The following APC2 variants were observed in gnomAD, a reference collection of about 807,000 sequenced individuals.
APC2 encodes the protein adenomatous polyposis coli protein 2.
Under a neutral mutation model 72.5 loss-of-function variants are expected in APC2, and 41 were observed. That is an observed-to-expected ratio of 0.57 (90% confidence interval 0.44 to 0.73). APC2 has a LOEUF of 0.73. APC2 is among the 30% of genes least tolerant of loss of function. APC2 has a pLI of 0.00. For synonymous variants in APC2, 1,898 were observed against 1,612.0 expected (o/e 1.18, Z -4.25); for missense variants, 3,729 against 3,403.4 (o/e 1.10, Z -2.38).
In APC2 at chr19:1,465,136, A is replaced by G; in HGVS notation, c.1854-19A>G. 6.3e-7 allele frequency: 1 copy of G among 1,586,156 alleles called. No individual in the cohort carries two copies. On this transcript the variant is annotated intron_variant, in intron 14 of 14. Transcript: ENST00000590469. Reference sequence around the variant, plus strand: ...GGAGGGTGGGGGGTGGCCCAGGCTAACCCGCCCTGTGCCTACAGGCAGGTG... The same window carrying G: ...GGAGGGTGGGGGGTGGCCCAGGCTAGCCCGCCCTGTGCCTACAGGCAGGTG...
chr19:1,449,080 A>G (rs117597817), upstream of APC2, among the ~76,000 whole-genome samples: 209 of 152,286 alleles, frequency 1.4e-3, 1 homozygote, highest in East Asian at 0.023. Flanking sequence ...GCCTTTGTCT[A>G]CGGGGCCTTG....
Position 1,469,958 on chromosome 19 carries a change from C to T in APC2, c.6657C>T (p.Ala2219=), listed in dbSNP as rs905675474. ...CCAGGGAGCCCCCCGGGGCCCCCGC[C>T]GGCGGCCAGCTCTCCCTCCTCGGCA... ...LETREPPGAP[A]GGQLSLLGSD... Residue 2219 remains alanine, a synonymous_variant, in exon 15 of 15, where the codon GCC becomes GCT. Coordinates refer to ENST00000590469, the MANE Select transcript of APC2 (RefSeq NM_005883.3). 1.4e-4 allele frequency: 215 copies of T among 1,514,754 alleles called. No homozygotes were observed. The highest frequency in any genetic ancestry group is 1.8e-4 in the Non-Finnish European group (207 of 1,137,958). The allele number at this position is 1,514,754 out of a possible 1,614,324, so 93.8% of individuals were successfully genotyped here.
rs551360613 is a variant in APC2, at chr19:1,458,685, C to G, written c.1303+625C>G. 94 of 152,546 alleles carry G rather than the reference C, an allele frequency of 6.2e-4. 1 individual carries two copies. In the South Asian group the frequency reaches 0.018, roughly 29 times the overall value. The allele number at this position is 152,546 out of a possible 1,614,324, so 9.4% of individuals were successfully genotyped here. A position where few individuals can be genotyped will look rare whatever the true frequency, so the allele number is the denominator to read the frequency against. ...TGCCACCACACTCCAGACTGGGCAA[C>G]AGAGCCAGACCCTGTCTCAAAAAGA... On this transcript the variant is annotated intron_variant, in intron 10 of 14. Transcript: ENST00000590469.
upstream of APC2, among the ~76,000 whole-genome samples, chr19:1,449,430 C>T (rs2083717046): frequency 6.6e-6 from 1 of 152,128 alleles, no homozygotes; most frequent in Admixed American, 6.5e-5. Flanking sequence ...GCCTTCGGTC[C>T]GTGAGGGTGA....
chr19:1,457,767 C>T, intron 9 of APC2, 198 bp from the exon 10 acceptor site: 1 of 607,296 alleles, frequency 1.6e-6, no homozygotes, highest in African/African-American at 1.9e-5. Flanking sequence ...TACCTCGCCT[C>T]CCTTCCCAAG....
intron 6 of APC2, among the ~76,000 whole-genome samples, chr19:1,455,871 G>T (rs1264591993): frequency 6.6e-6 from 1 of 152,224 alleles, no homozygotes; most frequent in African/African-American, 2.4e-5. Context: ...TTTAGACAGT[G>T]GGTGGGGTCA....
chr19:1,449,031 A>G (rs1049064149), upstream of APC2, among the ~76,000 whole-genome samples: 3 of 152,156 alleles, frequency 2.0e-5, no homozygotes, highest in African/African-American at 7.2e-5. Flanking sequence ...TCGGGTCTTC[A>G]GCTCAAGGCC....
In APC2 at chr19:1,467,198, G is replaced by A. The variant is rs755157141; in HGVS notation, c.3897G>A (p.Ser1299=). Residue 1299 remains serine, a synonymous_variant, in exon 15 of 15, where the codon TCG becomes TCA. Transcript: ENST00000590469. ...QQDVELRLLP[S]ACPERGGGAG... is the part of the protein sequence containing the mutation. ...ACGTGGAGCTGCGGCTGCTGCCCTC[G>A]GCCTGCCCCGAGCGCGGCGGGGGCG... The A allele has an allele frequency of 6.9e-7, 1 of 1,457,122 alleles. No homozygotes were observed. The highest frequency in any genetic ancestry group is 9.0e-7 in the Non-Finnish European group (1 of 1,111,576). 90.3% of individuals were successfully genotyped at this position (1,457,122 alleles called of 1,614,324 possible). A position where few individuals can be genotyped will look rare whatever the true frequency, so the allele number is the denominator to read the frequency against.
At position 1,469,617 on chromosome 19, in the gene APC2, A is replaced by C; in HGVS notation, c.6316A>C (p.Ser2106Arg). The change falls in exon 15 of 15, where the codon AGC (serine) becomes CGC (arginine). Residue 2106 changes from serine to arginine, a missense_variant. By Grantham distance (110) the Ser-to-Arg change is moderately radical. Transcript: ENST00000590469. ...VKRYASLPHI[S>R]VARRPDGAVP... Reference sequence around the variant, plus strand: ...GCGCTACGCGTCGCTGCCGCACATCAGCGTGGCCCGCAGGCCCGACGGCGC... The same window carrying C: ...GCGCTACGCGTCGCTGCCGCACATCCGCGTGGCCCGCAGGCCCGACGGCGC... 8.0e-7 allele frequency: 1 copy of C among 1,247,360 alleles called. No homozygotes were observed. The highest frequency in any genetic ancestry group is 1.0e-6 in the Non-Finnish European group (1 of 989,970). 77.3% of individuals were successfully genotyped at this position (1,247,360 alleles called of 1,614,324 possible). A position where few individuals can be genotyped will look rare whatever the true frequency, so the allele number is the denominator to read the frequency against.
At position 1,450,185 on chromosome 19, in the gene APC2, C is replaced by G. The variant is rs1862636640; in HGVS notation, c.-172C>G. On this transcript the variant is annotated 5_prime_UTR_variant, in exon 1 of 15. Transcript: ENST00000590469. ...TGCCCAGGCCCGGACCGGGCTTTGT[C>G]CGCCCCGGAGCCCCTGCCCGCGCCG... is the stretch of plus-strand genomic sequence containing the variant. 1.0e-6 allele frequency: 1 copy of G among 985,232 alleles called. No homozygotes were observed. The allele number at this position is 985,232 out of a possible 1,614,324, so 61.0% of individuals were successfully genotyped here. A position where few individuals can be genotyped will look rare whatever the true frequency, so the allele number is the denominator to read the frequency against.
intron 9 of APC2, 80 bp from the exon 10 acceptor site, chr19:1,457,884 CG>C: frequency 9.3e-7 from 1 of 1,075,390 alleles, no homozygotes; most frequent in South Asian, 1.4e-5. Context: ...AGGCCTGGGG[CG>C]GGCGGGTTGC....
At position 1,465,713 on chromosome 19, in the gene APC2, C is replaced by A. The variant is rs912420049; in HGVS notation, c.2412C>A (p.Leu804=). 2 of 1,571,258 alleles carry A rather than the reference C, an allele frequency of 1.3e-6. No individual in the cohort carries two copies. The change falls in exon 15 of 15, where the codon CTC becomes CTA. Residue 804 remains leucine (L), a synonymous_variant. Coordinates refer to ENST00000590469, the MANE Select transcript of APC2 (RefSeq NM_005883.3). ...GEPASPAALS[L]FLGSPFLQGQ... is the part of the protein sequence containing the mutation. ...CAGCCAGCCCTGCCGCGCTGTCCCT[C>A]TTCCTGGGCAGCCCCTTCCTGCAGG...
chr19:1,453,277 G>T lies in APC2; in HGVS notation c.172G>T (p.Glu58Ter). ...EVLKHLQGKL[E>*]QEARVLVSSG... is the part of the protein sequence containing the mutation. ...CCTGAAGCACCTACAGGGAAAACTG[G>T]AGCAGGAGGCCCGAGTGCTGGTGTC... The change falls in exon 3 of 15, where the codon GAG becomes TAG. Residue 58 changes from glutamate to a stop codon, truncating the protein, a stop_gained. Transcript: ENST00000590469. LOFTEE classifies it high-confidence loss of function. 4 of 1,573,788 alleles carry T rather than the reference G, an allele frequency of 2.5e-6. No individual in the cohort carries two copies. Among genetic ancestry groups the T allele is most frequent in the Non-Finnish European group, 3.5e-6 (4 of 1,159,392 alleles).
rs1405996032 is a variant in APC2 at position 1,467,376 on chromosome 19, G to C, written c.4075G>C (p.Ala1359Pro). The change falls in exon 15 of 15, where the codon GCC (alanine) becomes CCC (proline). Residue 1359 changes from alanine to proline, a missense_variant. Physicochemically the swap from Ala to Pro is conservative, Grantham distance 27 (BLOSUM62 -1). Coordinates refer to ENST00000590469, the MANE Select transcript of APC2 (RefSeq NM_005883.3). ...CGTGCCTGCCCGGCTGCGCAAGGTGGCCTCCGCGCTGGTGCCAGGTCGCCG... is the reference window on the plus strand; with the variant it reads ...CGTGCCTGCCCGGCTGCGCAAGGTGCCCTCCGCGCTGGTGCCAGGTCGCCG... ...AAVPARLRKV[A>P]SALVPGRRAL... 6.7e-7 allele frequency: 1 copy of C among 1,481,996 alleles called. No homozygotes were observed. The highest frequency in any genetic ancestry group is 8.9e-7 in the Non-Finnish European group (1 of 1,121,874). The allele number at this position is 1,481,996 out of a possible 1,614,324, so 91.8% of individuals were successfully genotyped here. A position where few individuals can be genotyped will look rare whatever the true frequency, so the allele number is the denominator to read the frequency against.
chr19:1,464,539 G>C (rs1228033539), intron 14 of APC2, among the ~76,000 whole-genome samples: 3 of 151,610 alleles, frequency 2.0e-5, no homozygotes, highest in Non-Finnish European at 4.4e-5. Flanking sequence ...CTGTACGACA[G>C]AGCGAAACTT....
rs2084105850 is a variant in APC2 at position 1,469,973 on chromosome 19, C to T, written c.6672C>T (p.Ser2224=). ...GGGCCCCCGCCGGCGGCCAGCTCTC[C>T]CTCCTCGGCAGCGACGTGGACGGTC... is the stretch of plus-strand genomic sequence containing the variant. ...PPGAPAGGQL[S]LLGSDVDGPS... Residue 2224 remains serine, a synonymous_variant, in exon 15 of 15, where the codon TCC becomes TCT. Transcript: ENST00000590469. The T allele has an allele frequency of 6.6e-7, 1 of 1,522,000 alleles. No individual in the cohort carries two copies. Among genetic ancestry groups the T allele is most frequent in the East Asian group, 2.5e-5 (1 of 39,504 alleles). The allele number at this position is 1,522,000 out of a possible 1,614,324, so 94.3% of individuals were successfully genotyped here.
rs111830742 is a variant in APC2, at chr19:1,453,191, C to A, written c.141+49C>A. ...GGGCTAGGGTCCCGGGGTGGTGCCC[C>A]CCGGCAGCCCAGTGCAGTGGCTGAT... On this transcript the variant is annotated intron_variant, in intron 2 of 14. Transcript: ENST00000590469. 106 of 1,568,194 alleles carry A rather than the reference C, an allele frequency of 6.8e-5. 1 individual carries two copies. In the African/African-American group the frequency reaches 1.0e-3, roughly 15 times the overall value.
intron 14 of APC2, 100 bp downstream of exon 14, chr19:1,462,277 C>A: frequency 8.8e-7 from 1 of 1,134,006 alleles, no homozygotes; most frequent in Non-Finnish European, 1.2e-6. Flanking sequence ...GCTCCCAAGG[C>A]TTCCCCAGGG....
At chr19:1,449,550 C>T (rs1275413594), upstream of APC2, among the ~76,000 whole-genome samples, 1 of 152,188 alleles carries the variant, frequency 6.6e-6, no homozygotes, top group Non-Finnish European at 1.5e-5. Flanking sequence ...AACGGAGTTA[C>T]AGGAGGATCT....
Sources: gnomAD v4.1 joint callset for allele counts (sites outside exome capture counted in the v4.1 genomes callset) on GRCh38, gnomAD v4.1.1 for gene constraint, MANE v1.5 for transcripts, NCBI Gene and HGNC (gene_info 2026-07-23, HGNC 2026-07-21) for gene names.